ANK2: variants seen among roughly 807,000 people sequenced by gnomAD.
ANK2 encodes ankyrin 2.
ANK2 carries 83 observed loss-of-function variants against 360.5 expected under a neutral mutation model. The observed-to-expected ratio is 0.23, with a 90% CI of 0.19 to 0.28. ANK2 has a LOEUF of 0.28. Among genes scored for constraint, ANK2 ranks in the 10% least tolerant of loss-of-function variants. The pLI is 1.00. For missense variants in ANK2, 4,201 were observed against 4,795.7 expected (o/e 0.88, Z 3.66); for synonymous variants, 1,740 against 1,759.5 (o/e 0.99, Z 0.28).
chr4:112,810,125 GTATATATATATATATATATATA>G, the ANK2 span, among the ~76,000 whole-genome samples: 1 of 68,114 alleles, frequency 1.5e-5, no homozygotes, highest in Non-Finnish European at 2.8e-5. Context: ...AATTTTTTGT[GTATATATATATATATATATATA>G]TATATATATA....
the ANK2 span, among the ~76,000 whole-genome samples, chr4:112,792,080 T>C: frequency 1.4e-5 from 2 of 142,418 alleles, no homozygotes; most frequent in Non-Finnish European, 3.0e-5. Context: ...TTGCTCTTGT[T>C]GCCCAGGCTG....
In ANK2 at chr4:113,305,046, A is replaced by G. The variant is rs192227016; in HGVS notation, c.2548+2207A>G. On this transcript the variant is annotated intron_variant, in intron 23 of 45. Transcript: ENST00000357077. ...ATATTGAGTTATAAACGAAATTTAT[A>G]AAAAATAGCCTCGGCCGGGCGCGGT... 4.9e-3 allele frequency among the ~76,000 whole-genome samples: 742 copies of G among 152,262 alleles called. 5 individuals are homozygous for G. Among genetic ancestry groups the G allele is most frequent in the African/African-American group, 0.017 (703 of 41,556 alleles).
intron 2 of ANK2, among the ~76,000 whole-genome samples, chr4:113,187,745 G>A (rs918620892): frequency 6.6e-6 from 1 of 152,076 alleles, no homozygotes; most frequent in Non-Finnish European, 1.5e-5. Context: ...GTCATATAAC[G>A]ACAGGAGCAC....
At chr4:113,064,371 G>A (rs1420367329) in intron 1 of ANK2, among the ~76,000 whole-genome samples, 3 of 152,074 alleles carry the variant, frequency 2.0e-5, no homozygotes, top group African/African-American at 7.2e-5. Flanking sequence ...TGTTTTAATC[G>A]TATTTACCAT....
intron 31 of ANK2, among the ~76,000 whole-genome samples, chr4:113,337,595 G>A (rs1389076688): frequency 2.0e-5 from 3 of 152,040 alleles, no homozygotes; most frequent in Non-Finnish European, 2.9e-5. Context: ...TTTTTGTATT[G>A]TTAGAATTAT....
At chr4:113,137,996 G>C (rs2096500633) in intron 1 of ANK2, among the ~76,000 whole-genome samples, 1 of 152,094 alleles carries the variant, frequency 6.6e-6, no homozygotes, top group Admixed American at 6.5e-5. Flanking sequence ...AAGTGATTTT[G>C]TTTTCCAAAC....
chr4:113,257,105 A>G (rs1348055492), intron 11 of ANK2, among the ~76,000 whole-genome samples: 2 of 152,236 alleles, frequency 1.3e-5, no homozygotes, highest in African/African-American at 4.8e-5. Context: ...AAGTAAGACC[A>G]TATGCTTTCC....
At chr4:113,158,954 G>A (rs114116393) in intron 1 of ANK2, among the ~76,000 whole-genome samples, 4,051 of 152,068 alleles carry the variant, frequency 0.027, 81 homozygotes, top group Non-Finnish European at 0.037. Flanking sequence ...ATTAAAGCTA[G>A]CGTAATTTGT....
chr4:113,129,295 A>G (rs1582463778), intron 1 of ANK2, among the ~76,000 whole-genome samples: 1 of 152,218 alleles, frequency 6.6e-6, no homozygotes, highest in Admixed American at 6.5e-5. Context: ...GTGTTTAACT[A>G]TCAAAAATTG....
intron 1 of ANK2, among the ~76,000 whole-genome samples, chr4:113,106,191 C>T (rs1418848053): frequency 2.6e-5 from 4 of 152,056 alleles, no homozygotes; most frequent in Admixed American, 1.3e-4. Flanking sequence ...TTAAAGTAGC[C>T]CTCTAAACCT....
At chr4:113,080,484 TAAAAG>T (rs1053047024) in intron 1 of ANK2, among the ~76,000 whole-genome samples, 1 of 152,106 alleles carries the variant, frequency 6.6e-6, no homozygotes, top group African/African-American at 2.4e-5. Flanking sequence ...TCAGAAATAA[TAAAAG>T]AGAATATAAA....
At chr4:113,240,635 A>G in intron 8 of ANK2, 52 bp downstream of exon 8, 6 of 1,500,646 alleles carry the variant, frequency 4.0e-6, no homozygotes, top group Non-Finnish European at 4.6e-6. Context: ...GAATATTTTA[A>G]TAAAGTAAAA....
chr4:112,905,010 A>T (rs2084727258), intron 2 of ANK2, among the ~76,000 whole-genome samples: 1 of 152,226 alleles, frequency 6.6e-6, no homozygotes, highest in South Asian at 2.1e-4. Context: ...CAGATTCTAC[A>T]TTTAAATCAA....
chr4:113,033,112 A>G (rs755589059), intron 2 of ANK2, among the ~76,000 whole-genome samples: 2 of 152,068 alleles, frequency 1.3e-5, no homozygotes, highest in African/African-American at 4.8e-5. Flanking sequence ...GCAAAACTAC[A>G]TATTACCTGG....
intron 1 of ANK2, among the ~76,000 whole-genome samples, chr4:113,054,591 G>T (rs1384115512): frequency 2.0e-5 from 3 of 152,176 alleles, no homozygotes; most frequent in Non-Finnish European, 2.9e-5. Context: ...CTAGTTCACT[G>T]ATATCTAGAC....
intron 1 of ANK2, among the ~76,000 whole-genome samples, chr4:113,097,450 T>C (rs1287874820): frequency 6.6e-6 from 1 of 152,090 alleles, no homozygotes; most frequent in Non-Finnish European, 1.5e-5. Context: ...TAGACTCCAG[T>C]ATGCAAATTG....
Position 113,381,457 on chromosome 4 carries a change from G to A in ANK2, c.11860G>A (p.Asp3954Asn), listed in dbSNP as rs1319198451. The change falls in exon 46 of 46, where the codon GAC becomes AAC. Residue 3954 changes from aspartate (D) to asparagine (N), a missense_variant and splice_region_variant. This residue lies in a region of ANK2 where 2,642 missense variants were observed against 2,714.5 expected (regional missense o/e 0.97). Coordinates refer to ENST00000357077, the MANE Select transcript of ANK2 (RefSeq NM_001148.6). ...TTCTCTCTTGTCTGCTTTTCTCCAG[G>A]ACAACAATGAGTAAAGCCATCACAC... ...VLKSDTEQSE[D>N]NNE 1.2e-6 allele frequency: 2 copies of A among 1,614,128 alleles called. No homozygotes were observed. The highest frequency in any genetic ancestry group is 1.7e-6 in the Non-Finnish European group (2 of 1,180,026).
intron 22 of ANK2, among the ~76,000 whole-genome samples, chr4:113,295,335 G>A (rs1311385057): frequency 6.6e-6 from 1 of 152,096 alleles, no homozygotes; most frequent in Non-Finnish European, 1.5e-5. Flanking sequence ...ACAAAACTAT[G>A]GAACTTATAT....
At chr4:113,086,892 T>C (rs1246152231) in intron 1 of ANK2, among the ~76,000 whole-genome samples, 2 of 152,132 alleles carry the variant, frequency 1.3e-5, no homozygotes, top group African/African-American at 4.8e-5. Flanking sequence ...CCAGTAAGTC[T>C]GGAGCGTAGG....
Sources: gnomAD v4.1 joint callset for allele counts (sites outside exome capture counted in the v4.1 genomes callset) on GRCh38, gnomAD v4.1.1 for gene constraint, gnomAD v4.1.1 regional missense constraint, MANE v1.5 for transcripts, NCBI Gene and HGNC (gene_info 2026-07-23, HGNC 2026-07-21) for gene names.